SOX13: variants seen among roughly 807,000 people sequenced by gnomAD.
SOX13 encodes the protein transcription factor SOX-13.
In SOX13, 28 loss-of-function variants were observed where a neutral mutation model predicts 71.8. That is an observed-to-expected ratio of 0.39 (90% CI 0.29 to 0.53). The LOEUF (loss-of-function observed/expected upper bound fraction) is 0.53, where lower values mean the gene tolerates loss of function less well. Ranked by LOEUF, SOX13 falls within the 20% of genes least tolerant of loss-of-function variation. SOX13 has a pLI of 0.70. For synonymous variants in SOX13, 309 were observed against 317.8 expected, an observed-to-expected ratio of 0.97 and a Z score of 0.29; for missense variants, 627 against 810.3, an observed-to-expected ratio of 0.77 and a Z score of 2.75.
chr1:204,117,519 T>C, intron 6 of SOX13, 74 bp from the exon 7 acceptor site: 6 of 929,152 alleles, frequency 6.5e-6, no homozygotes, highest in Non-Finnish European at 1.0e-5. Context: ...GTCCATTCTC[T>C]GTGCCATGGG....
At chr1:204,120,348 A>C (rs529233798) in intron 7 of SOX13, among the ~76,000 whole-genome samples, 6 of 152,206 alleles carry the variant, frequency 3.9e-5, no homozygotes, top group Non-Finnish European at 8.8e-5. Context: ...AGGACCCCCA[A>C]CTGCTTTCTG....
At chr1:204,117,484 T>C (rs1343826764) in intron 6 of SOX13, 109 bp from the exon 7 acceptor site, 1 of 732,578 alleles carries the variant, frequency 1.4e-6, no homozygotes, top group African/African-American at 1.8e-5. Flanking sequence ...GTCCCTGCTT[T>C]ATCCCCTGTG....
chr1:204,107,559 C>T (rs542164033), intron 1 of SOX13, among the ~76,000 whole-genome samples: 15 of 152,216 alleles, frequency 9.9e-5, no homozygotes, highest in Non-Finnish European at 1.9e-4. Flanking sequence ...GAGACACCTG[C>T]GTCTCTCTGG....
chr1:204,090,097 G>GT (rs1211900204), intron 1 of SOX13, among the ~76,000 whole-genome samples: 1 of 152,114 alleles, frequency 6.6e-6, no homozygotes, highest in African/African-American at 2.4e-5. Flanking sequence ...TTCGGTAGTG[G>GT]TTTTTTGCAT....
At chr1:204,079,644 G>A (rs1485805249) in intron 1 of SOX13, among the ~76,000 whole-genome samples, 1 of 152,142 alleles carries the variant, frequency 6.6e-6, no homozygotes, top group Admixed American at 6.5e-5. Flanking sequence ...ACCGAGCCTG[G>A]CCTCACAGCA....
chr1:204,080,421 G>A (rs1213690841), intron 1 of SOX13, among the ~76,000 whole-genome samples: 1 of 152,150 alleles, frequency 6.6e-6, no homozygotes, highest in Non-Finnish European at 1.5e-5. Flanking sequence ...CTGGGCAGGA[G>A]CCCTCCTGGC....
chr1:204,080,632 G>T (rs999267539), intron 1 of SOX13, among the ~76,000 whole-genome samples: 1 of 152,000 alleles, frequency 6.6e-6, no homozygotes, highest in African/African-American at 2.4e-5. Flanking sequence ...AGAGGGCCTT[G>T]GTCCCGCCCC....
intron 1 of SOX13, among the ~76,000 whole-genome samples, chr1:204,094,710 G>C (rs1656216034): frequency 6.6e-6 from 1 of 152,170 alleles, no homozygotes; most frequent in Admixed American, 6.5e-5. Context: ...TAATCACACC[G>C]TGGAGCACGG....
intron 1 of SOX13, among the ~76,000 whole-genome samples, chr1:204,102,021 G>T (rs887238988): frequency 6.6e-6 from 1 of 152,216 alleles, no homozygotes; most frequent in African/African-American, 2.4e-5. Flanking sequence ...ACATGGTGAG[G>T]CTGAGAGAGT....
At chr1:204,088,535 G>C (rs574979131) in intron 1 of SOX13, among the ~76,000 whole-genome samples, 1 of 152,128 alleles carries the variant, frequency 6.6e-6, no homozygotes, top group Non-Finnish European at 1.5e-5. Context: ...TTTTACTCTT[G>C]TTCTTTCCAG....
intron 5 of SOX13, among the ~76,000 whole-genome samples, 174 bp downstream of exon 5, chr1:204,116,853 C>T (rs1423027919): frequency 6.6e-6 from 1 of 152,132 alleles, no homozygotes; most frequent in Non-Finnish European, 1.5e-5. Flanking sequence ...TTCATGAGCC[C>T]TTGTACAGGG....
At chr1:204,087,933 G>A (rs1656058640) in intron 1 of SOX13, among the ~76,000 whole-genome samples, 1 of 152,222 alleles carries the variant, frequency 6.6e-6, no homozygotes, top group African/African-American at 2.4e-5. Context: ...AGTCCCACCT[G>A]GCTGTGGATC....
At chr1:204,107,986 A>G (rs898397265) in intron 1 of SOX13, among the ~76,000 whole-genome samples, 3 of 152,158 alleles carry the variant, frequency 2.0e-5, no homozygotes, top group African/African-American at 7.2e-5. Flanking sequence ...TGAGAGGCCC[A>G]GGAGACAGGC....
chr1:204,079,020 C>T lies in SOX13; in HGVS notation c.-2+5309C>T, dbSNP rs561610325. On this transcript the variant is annotated intron_variant, in intron 1 of 13. Coordinates refer to ENST00000367204, the MANE Select transcript of SOX13 (RefSeq NM_005686.3). The stretch of plus-strand genomic sequence containing the variant: ...CTCCCCTAGGAAAAGATTTCTGGGC[C>T]GGGCACGGTGGCTCACGCCTGTAAT... Among the ~76,000 whole-genome samples, 7 of 152,286 alleles carry T rather than the reference C, an allele frequency of 4.6e-5. No individual in the cohort carries two copies. In the South Asian group the frequency reaches 8.3e-4, roughly 18 times the overall value.
intron 1 of SOX13, among the ~76,000 whole-genome samples, chr1:204,110,459 C>A (rs1286557378): frequency 2.0e-5 from 3 of 151,840 alleles, no homozygotes; most frequent in Non-Finnish European, 2.9e-5. Context: ...AGCCCCTGTG[C>A]CTCTAGATTA....
intron 1 of SOX13, among the ~76,000 whole-genome samples, chr1:204,076,638 G>A (rs190661518): frequency 1.3e-5 from 2 of 152,334 alleles, no homozygotes; most frequent in African/African-American, 2.4e-5. Context: ...ACAGGGTGCT[G>A]CTGCCCAGCC....
intron 7 of SOX13, among the ~76,000 whole-genome samples, chr1:204,121,010 C>T (rs541390550): frequency 8.9e-5 from 13 of 146,128 alleles, no homozygotes; most frequent in South Asian, 2.1e-4. Context: ...AACAGAGTCT[C>T]GCTCTGTCCC....
intron 1 of SOX13, among the ~76,000 whole-genome samples, chr1:204,095,428 G>A (rs1656233504): frequency 6.6e-6 from 1 of 152,122 alleles, no homozygotes; most frequent in Non-Finnish European, 1.5e-5. Context: ...GGTCGGGCAG[G>A]TCTGGCACTG....
chr1:204,088,148 G>T (rs1182298932), intron 1 of SOX13, among the ~76,000 whole-genome samples: 2 of 152,204 alleles, frequency 1.3e-5, no homozygotes, highest in African/African-American at 2.4e-5. Context: ...AAGGATGTGT[G>T]CTTGTAGGGC....
Sources: gnomAD v4.1 joint callset for allele counts (sites outside exome capture counted in the v4.1 genomes callset) on GRCh38, gnomAD v4.1.1 for gene constraint, MANE v1.5 for transcripts, NCBI Gene and HGNC (gene_info 2026-07-23, HGNC 2026-07-21) for gene names.